Variants in PDE1C observed in about 807,000 individuals in gnomAD.
PDE1C encodes the protein phosphodiesterase 1C.
A neutral mutation model predicts 93.1 loss-of-function variants in PDE1C; 62 were observed. The observed-to-expected ratio is 0.67, with a 90% CI of 0.54 to 0.82. The LOEUF (loss-of-function observed/expected upper bound fraction) is 0.82, where lower values mean the gene tolerates loss of function less well. PDE1C is among the 40% of genes least tolerant of loss of function. PDE1C has a pLI of 0.00. For missense variants in PDE1C, 742 were observed against 884.6 expected (o/e 0.84, Z 2.04); for synonymous variants, 325 against 310.1 (o/e 1.05, Z -0.50).
At chr7:32,312,402 C>T (rs1286792079) in intron 1 of PDE1C, among the ~76,000 whole-genome samples, 15 of 152,096 alleles carry the variant, frequency 9.9e-5, no homozygotes, top group Non-Finnish European at 2.1e-4. Flanking sequence ...TTGGAAAAAA[C>T]TACTTTAAAG....
chr7:32,087,575 A>G (rs1441080134), intron 3 of PDE1C, among the ~76,000 whole-genome samples: 4 of 152,212 alleles, frequency 2.6e-5, no homozygotes, highest in Non-Finnish European at 5.9e-5. Flanking sequence ...AGCACTATTC[A>G]CAATAGCAAA....
chr7:31,728,786 A>G, the PDE1C span, among the ~76,000 whole-genome samples: 1 of 152,232 alleles, frequency 6.6e-6, no homozygotes, highest in Admixed American at 6.5e-5. Flanking sequence ...GGGAAGTCTT[A>G]GAGGAACTCA....
chr7:31,820,038 C>T (rs1156331850), intron 14 of PDE1C, among the ~76,000 whole-genome samples: 2 of 152,016 alleles, frequency 1.3e-5, no homozygotes, highest in Non-Finnish European at 2.9e-5. Context: ...CTCCAGCTGA[C>T]AGAAAACTTC....
At chr7:32,221,358 G>C (rs1806848555) in intron 1 of PDE1C, among the ~76,000 whole-genome samples, 1 of 152,152 alleles carries the variant, frequency 6.6e-6, no homozygotes, top group Non-Finnish European at 1.5e-5. Flanking sequence ...GGGAGAAGTG[G>C]AAGGCACCTA....
At position 32,088,194 on chromosome 7, in the gene PDE1C, TGAAGAAAAAAAG is replaced by T. The variant is rs952328370; in HGVS notation, c.308+81579_308+81590del. Among the ~76,000 whole-genome samples, 61 of 150,670 alleles carry T rather than the reference TGAAGAAAAAAAG, an allele frequency of 4.0e-4. 4 individuals are homozygous for T. The highest frequency in any genetic ancestry group is 2.0e-3 in the East Asian group (10 of 5,106). ...GCATCATCATAAATCACTTAAAACA[TGAAGAAAAAAAG>T]GAAGAAAAAAAGCTCCTAAAAAAAG... On this transcript the variant is annotated intron_variant, in intron 3 of 18. Transcript: ENST00000396193.
chr7:31,715,308 A>G, the PDE1C span, among the ~76,000 whole-genome samples: 1 of 151,894 alleles, frequency 6.6e-6, no homozygotes, highest in Non-Finnish European at 1.5e-5. Context: ...GCACAATCTC[A>G]GCTCACTGCA....
the PDE1C span, among the ~76,000 whole-genome samples, chr7:31,691,082 C>T: frequency 0.079 from 11,963 of 152,138 alleles, 536 homozygotes; most frequent in East Asian, 0.18. Flanking sequence ...AGTTGGCAAT[C>T]TCTATACAAA....
chr7:31,923,674 G>A (rs1802942861), intron 2 of PDE1C, among the ~76,000 whole-genome samples: 1 of 152,120 alleles, frequency 6.6e-6, no homozygotes, highest in African/African-American at 2.4e-5. Context: ...AAGCCTATGG[G>A]AGCTCAGAAG....
intron 2 of PDE1C, among the ~76,000 whole-genome samples, chr7:32,180,082 A>C (rs1803291780): frequency 6.6e-6 from 1 of 152,184 alleles, no homozygotes; most frequent in Admixed American, 6.5e-5. Flanking sequence ...CAGATGAAGA[A>C]CTTTATGCTC....
chr7:31,916,371 G>A (rs1055720322), intron 2 of PDE1C, among the ~76,000 whole-genome samples: 1 of 152,070 alleles, frequency 6.6e-6, no homozygotes, highest in Admixed American at 6.6e-5. Context: ...AAGATATCTG[G>A]AAATATCATG....
intron 2 of PDE1C, among the ~76,000 whole-genome samples, chr7:31,975,547 C>T (rs1357496113): frequency 6.6e-6 from 1 of 152,034 alleles, no homozygotes; most frequent in Non-Finnish European, 1.5e-5. Context: ...TTACAGCAGT[C>T]AGAGTGAACC....
intron 2 of PDE1C, among the ~76,000 whole-genome samples, chr7:31,944,742 C>T (rs1207725163): frequency 6.6e-6 from 1 of 152,074 alleles, no homozygotes; most frequent in East Asian, 1.9e-4. Flanking sequence ...TTGTAAACAT[C>T]GACAACTAAA....
chr7:31,716,436 C>A, the PDE1C span, among the ~76,000 whole-genome samples: 1 of 152,114 alleles, frequency 6.6e-6, no homozygotes, highest in Non-Finnish European at 1.5e-5. Flanking sequence ...ACCAGACCCA[C>A]AATAATATGG....
intron 2 of PDE1C, among the ~76,000 whole-genome samples, chr7:32,013,455 T>A (rs112308209): frequency 6.6e-6 from 1 of 152,340 alleles, no homozygotes; most frequent in South Asian, 2.1e-4. Context: ...GGGTTATTTA[T>A]AACTTGACAC....
chr7:31,999,959 G>A (rs983144644), intron 2 of PDE1C, among the ~76,000 whole-genome samples: 1 of 152,140 alleles, frequency 6.6e-6, no homozygotes, highest in African/African-American at 2.4e-5. Flanking sequence ...AGGGAGTTAG[G>A]GGGAGAGTTG....
At chr7:31,975,539 A>C (rs1298901468) in intron 2 of PDE1C, among the ~76,000 whole-genome samples, 1 of 152,158 alleles carries the variant, frequency 6.6e-6, no homozygotes, top group Non-Finnish European at 1.5e-5. Context: ...CAGTCTCCTT[A>C]CAGCAGTCAG....
At chr7:31,695,562 A>C in the PDE1C span, 1 of 1,613,898 alleles carries the variant, frequency 6.2e-7, no homozygotes, top group Non-Finnish European at 8.5e-7. Context: ...GTTGAGTCAG[A>C]CCAAAAAAAA....
chr7:32,209,415 C>T, intron 2 of PDE1C: 1 of 1,200,752 alleles, frequency 8.3e-7, no homozygotes, highest in Non-Finnish European at 1.2e-6. Flanking sequence ...AAGAGCTATA[C>T]CGCATGGGGG....
At chr7:32,180,295 A>G (rs2128811547) in intron 2 of PDE1C, among the ~76,000 whole-genome samples, 1 of 152,336 alleles carries the variant, frequency 6.6e-6, no homozygotes, top group Admixed American at 6.5e-5. Context: ...GGGTGGGGAA[A>G]AGGACTCCCT....
Sources: gnomAD v4.1 joint callset for allele counts (sites outside exome capture counted in the v4.1 genomes callset) on GRCh38, gnomAD v4.1.1 for gene constraint, MANE v1.5 for transcripts, NCBI Gene and HGNC (gene_info 2026-07-23, HGNC 2026-07-21) for gene names.